Variants in CACNA2D3 observed in about 807,000 individuals in gnomAD.
CACNA2D3 encodes the protein calcium voltage-gated channel auxiliary subunit alpha2delta 3, also known as voltage-dependent calcium channel subunit alpha-2/delta-3.
A neutral mutation model predicts 160.6 loss-of-function variants in CACNA2D3; 60 were observed. The ratio of observed to expected loss-of-function variants is 0.37; its 90% confidence interval spans 0.30 to 0.46. CACNA2D3 has a LOEUF of 0.46. Ranked by LOEUF, CACNA2D3 falls within the 20% of genes least tolerant of loss-of-function variation. CACNA2D3 has a pLI of 1.00. For missense variants in CACNA2D3, 1,205 were observed against 1,365.0 expected, an observed-to-expected ratio of 0.88 and a Z score of 1.85; for synonymous variants, 558 against 492.9, an observed-to-expected ratio of 1.13 and a Z score of -1.75.
chr3:54,891,567 C>G (rs1417143856), intron 25 of CACNA2D3, 117 bp downstream of exon 25: 8 of 784,874 alleles, frequency 1.0e-5, no homozygotes, highest in Non-Finnish European at 1.7e-5. Context: ...TAGGCCACCC[C>G]AGGCCTATTG....
intron 27 of CACNA2D3, among the ~76,000 whole-genome samples, chr3:54,919,921 T>C (rs766841662): frequency 2.2e-4 from 33 of 152,098 alleles, no homozygotes; most frequent in Non-Finnish European, 3.7e-4. Flanking sequence ...CCTCGCCACA[T>C]CCTCCTCTCA....
At position 54,642,571 on chromosome 3, in the gene CACNA2D3, A is replaced by ATC. The variant is rs1699546435; in HGVS notation, c.1167+332_1167+333dup. 2.6e-5 allele frequency among the ~76,000 whole-genome samples: 4 copies of ATC among 152,192 alleles called. No individual in the cohort carries two copies. The South Asian group carries it at 8.3e-4, about 32-fold the overall frequency. The stretch of plus-strand genomic sequence containing the variant: ...GGCAGAGCTGCATGTTGGGCCCAGC[A>ATC]TCTATACAATGGTGAAATCAGTCAT... On this transcript the variant is annotated intron_variant, in intron 11 of 37. Transcript: ENST00000474759.
chr3:54,525,537 T>G (rs1701711675), intron 5 of CACNA2D3, among the ~76,000 whole-genome samples: 1 of 152,194 alleles, frequency 6.6e-6, no homozygotes, highest in Non-Finnish European at 1.5e-5. Context: ...CAGTTTTTCT[T>G]TATCTGTTAA....
intron 13 of CACNA2D3, among the ~76,000 whole-genome samples, chr3:54,769,382 T>A (rs192366986): frequency 6.6e-6 from 1 of 152,134 alleles, no homozygotes; most frequent in East Asian, 1.9e-4. Context: ...AGTAACCTGA[T>A]GTTTTGTTGG....
At chr3:54,406,632 T>G (rs1699581770) in intron 4 of CACNA2D3, among the ~76,000 whole-genome samples, 2 of 151,364 alleles carry the variant, frequency 1.3e-5, no homozygotes, top group South Asian at 2.1e-4. Flanking sequence ...TATATAGAGA[T>G]AGAGAATAAA....
chr3:54,677,836 AGAGT>A (rs1700272184), intron 11 of CACNA2D3, among the ~76,000 whole-genome samples: 1 of 152,110 alleles, frequency 6.6e-6, no homozygotes, highest in Non-Finnish European at 1.5e-5. Context: ...AGGAGGAGAG[AGAGT>A]AATTTTAGTC....
At chr3:54,712,282 C>T (rs187381478) in intron 11 of CACNA2D3, among the ~76,000 whole-genome samples, 2 of 152,276 alleles carry the variant, frequency 1.3e-5, no homozygotes, top group African/African-American at 4.8e-5. Flanking sequence ...AGATGAAGGT[C>T]TCACTGGGTT....
chr3:54,393,150 C>T (rs1699311635), intron 4 of CACNA2D3, among the ~76,000 whole-genome samples: 1 of 152,176 alleles, frequency 6.6e-6, no homozygotes, highest in Non-Finnish European at 1.5e-5. Flanking sequence ...GGGGTCAGTT[C>T]AAAACCAGGA....
At chr3:54,844,617 G>A (rs1347832468) in intron 16 of CACNA2D3, among the ~76,000 whole-genome samples, 1 of 152,162 alleles carries the variant, frequency 6.6e-6, no homozygotes, top group Non-Finnish European at 1.5e-5. Context: ...CCGCACGATA[G>A]GACCTTTGCC....
chr3:54,220,710 C>T (rs1577007529), intron 2 of CACNA2D3, among the ~76,000 whole-genome samples: 1 of 152,204 alleles, frequency 6.6e-6, no homozygotes, highest in Non-Finnish European at 1.5e-5. Flanking sequence ...TACTGAACCA[C>T]TTGTCTCCTC....
rs771147812 is a variant in CACNA2D3, at chr3:54,562,892, T to C, written c.637T>C (p.Tyr213His). ...FDRDPSLIWQ[Y>H]FGSAKGFFRQ... ...CCGTGACCCATCTCTCATATGGCAG[T>C]ACTTTGGAAGTGCAAAGGGCTTTTT... The change falls in exon 6 of 38, where the codon TAC becomes CAC. Residue 213 changes from tyrosine to histidine, a missense_variant. Coordinates refer to ENST00000474759, the MANE Select transcript of CACNA2D3 (RefSeq NM_018398.3). 6.2e-7 allele frequency: 1 copy of C among 1,613,814 alleles called. No individual in the cohort carries two copies. The highest frequency in any genetic ancestry group is 8.5e-7 in the Non-Finnish European group (1 of 1,179,728).
chr3:54,533,557 A>G (rs1370751202), intron 5 of CACNA2D3, among the ~76,000 whole-genome samples: 1 of 150,786 alleles, frequency 6.6e-6, no homozygotes, highest in Non-Finnish European at 1.5e-5. Context: ...CTAGTCTCGA[A>G]CTCCTGACCT....
chr3:54,441,771 G>A (rs971960580), intron 4 of CACNA2D3, among the ~76,000 whole-genome samples: 12 of 152,176 alleles, frequency 7.9e-5, no homozygotes, highest in Admixed American at 7.9e-4. Context: ...TATGTGCCAG[G>A]TATCATTCAT....
chr3:54,371,833 A>G (rs1698930894), intron 3 of CACNA2D3, among the ~76,000 whole-genome samples: 2 of 152,354 alleles, frequency 1.3e-5, no homozygotes, highest in South Asian at 4.1e-4. Flanking sequence ...GAAATCTCCA[A>G]AAGTTGAAAG....
intron 12 of CACNA2D3, 109 bp from the exon 13 acceptor site, chr3:54,764,109 A>G (rs1702173093): frequency 7.9e-7 from 1 of 1,261,218 alleles, no homozygotes; most frequent in East Asian, 2.3e-5. Context: ...CATTGAAAAG[A>G]AAAAAGAAGG....
chr3:54,964,818 A>T (rs1247159915), intron 27 of CACNA2D3, among the ~76,000 whole-genome samples: 21 of 144,384 alleles, frequency 1.5e-4, no homozygotes, highest in South Asian at 4.4e-4. Flanking sequence ...GGTTATTCTT[A>T]TTTTTTTTTT....
At chr3:54,334,048 G>A (rs1167973988) in intron 3 of CACNA2D3, among the ~76,000 whole-genome samples, 1 of 152,212 alleles carries the variant, frequency 6.6e-6, no homozygotes, top group Non-Finnish European at 1.5e-5. Context: ...TGGAAGTGCA[G>A]GGACTTTGCC....
At chr3:54,502,558 T>C (rs1359801625) in intron 4 of CACNA2D3, among the ~76,000 whole-genome samples, 1 of 152,218 alleles carries the variant, frequency 6.6e-6, no homozygotes, top group Non-Finnish European at 1.5e-5. Context: ...TAGAGCATAT[T>C]AATTGTAGTT....
At chr3:54,795,396 G>A (rs1033584107) in intron 13 of CACNA2D3, among the ~76,000 whole-genome samples, 8 of 147,028 alleles carry the variant, frequency 5.4e-5, no homozygotes, top group African/African-American at 1.7e-4. Context: ...CCTATTGATT[G>A]TTTTACCACT....
Sources: gnomAD v4.1 joint callset for allele counts (sites outside exome capture counted in the v4.1 genomes callset) on GRCh38, gnomAD v4.1.1 for gene constraint, MANE v1.5 for transcripts, NCBI Gene and HGNC (gene_info 2026-07-23, HGNC 2026-07-21) for gene names.